CTNNA3: variants seen among roughly 807,000 people sequenced by gnomAD.
CTNNA3 encodes the protein catenin alpha 3.
In CTNNA3, 76 loss-of-function variants were observed where a neutral mutation model predicts 95.7. The observed-to-expected ratio is 0.79, with a 90% CI of 0.66 to 0.96. CTNNA3 has a LOEUF of 0.96. CTNNA3 is among the 40% of genes least tolerant of loss of function. The pLI is 0.00. For synonymous variants in CTNNA3, 431 were observed against 374.4 expected (o/e 1.15, Z -1.74); for missense variants, 1,191 against 1,089.8 (o/e 1.09, Z -1.31).
rs187859053 is a variant in CTNNA3 at position 67,129,939 on chromosome 10, A to G, written c.1047+50378T>C. ...CACTTATTCTGAAAAATAAATCTTGACTAGAAGAGAGTTATCTAGGATCCA... is the reference window on the plus strand; with the variant it reads ...CACTTATTCTGAAAAATAAATCTTGGCTAGAAGAGAGTTATCTAGGATCCA... On this transcript the variant is annotated intron_variant, in intron 7 of 17. Transcript: ENST00000433211. 6.3e-3 allele frequency among the ~76,000 whole-genome samples: 966 copies of G among 152,150 alleles called. 10 individuals are homozygous for G. The highest frequency in any genetic ancestry group is 0.022 in the African/African-American group (907 of 41,488).
intron 5 of CTNNA3, among the ~76,000 whole-genome samples, chr10:67,485,764 T>C (rs867874619): frequency 4.6e-5 from 7 of 152,302 alleles, no homozygotes; most frequent in Middle Eastern, 3.4e-3. Context: ...GCTAACGGCA[T>C]ACCTAGCCAA....
At chr10:66,350,644 G>T (rs2092560066) in intron 12 of CTNNA3, among the ~76,000 whole-genome samples, 2 of 151,686 alleles carry the variant, frequency 1.3e-5, no homozygotes, top group African/African-American at 2.4e-5. Flanking sequence ...TTGCTGAAGG[G>T]TCAATTGGGA....
At chr10:65,934,326 T>G (rs1007594086) in intron 17 of CTNNA3, among the ~76,000 whole-genome samples, 2 of 152,144 alleles carry the variant, frequency 1.3e-5, no homozygotes, top group Non-Finnish European at 2.9e-5. Context: ...GCTGTTTCTC[T>G]CCAGCACTAG....
At chr10:66,136,712 G>GAGTAACGCAACAC (rs71299295) in intron 13 of CTNNA3, among the ~76,000 whole-genome samples, 6 of 151,910 alleles carry the variant, frequency 3.9e-5, no homozygotes, top group Admixed American at 3.9e-4. Context: ...GTTTAGAAGA[G>GAGTAACGCAACAC]AGCATTGTGT....
At chr10:67,406,322 C>T (rs866272750) in intron 5 of CTNNA3, among the ~76,000 whole-genome samples, 3 of 152,190 alleles carry the variant, frequency 2.0e-5, no homozygotes, top group African/African-American at 7.2e-5. Context: ...TAACCTGTTC[C>T]TGAACAACTG....
intron 9 of CTNNA3, among the ~76,000 whole-genome samples, chr10:66,660,011 A>G (rs1846207228): frequency 6.6e-6 from 1 of 152,076 alleles, no homozygotes; most frequent in African/African-American, 2.4e-5. Context: ...TCATAGTGAC[A>G]GGGTCTCACT....
intron 5 of CTNNA3, among the ~76,000 whole-genome samples, chr10:67,425,018 A>G (rs1369755981): frequency 6.6e-6 from 1 of 152,150 alleles, no homozygotes; most frequent in African/African-American, 2.4e-5. Flanking sequence ...CTTAGACATC[A>G]GTGTGTCACT....
At chr10:66,014,382 T>C (rs2079056719) in intron 15 of CTNNA3, among the ~76,000 whole-genome samples, 1 of 152,196 alleles carries the variant, frequency 6.6e-6, no homozygotes, top group Non-Finnish European at 1.5e-5. Context: ...AATTTCCTTT[T>C]GAATGTACAA....
At position 65,917,105 on chromosome 10, in the gene CTNNA3, A is replaced by G. The variant is rs1170482848; in HGVS notation, c.*3225T>C. On this transcript the variant is annotated 3_prime_UTR_variant, in exon 18 of 18. Coordinates refer to ENST00000433211, the MANE Select transcript of CTNNA3 (RefSeq NM_013266.4). ...GGACCTTATTCCCTGTACATAAGAG[A>G]TTTTTATGGGGAACAAATATGTTAT... The G allele has an allele frequency of 6.6e-6, 1 of 152,164 alleles. No individual in the cohort carries two copies. Among genetic ancestry groups the G allele is most frequent in the Non-Finnish European group, 1.5e-5 (1 of 68,028 alleles). 9.4% of individuals were successfully genotyped at this position (152,164 alleles called of 1,614,324 possible).
intron 13 of CTNNA3, among the ~76,000 whole-genome samples, chr10:66,252,946 C>A (rs2090617535): frequency 6.6e-6 from 1 of 152,138 alleles, no homozygotes; most frequent in African/African-American, 2.4e-5. Context: ...GCTGAAAATA[C>A]AAACTGTTTA....
At chr10:67,262,041 A>G (rs1310605505) in intron 5 of CTNNA3, among the ~76,000 whole-genome samples, 1 of 152,110 alleles carries the variant, frequency 6.6e-6, no homozygotes, top group Non-Finnish European at 1.5e-5. Flanking sequence ...GATGCATGGT[A>G]TAATATTGTA....
At chr10:67,051,079 A>T (rs1855060237) in intron 7 of CTNNA3, among the ~76,000 whole-genome samples, 1 of 152,224 alleles carries the variant, frequency 6.6e-6, no homozygotes, top group Admixed American at 6.5e-5. Context: ...ATATTTACAG[A>T]TACAAATTAA....
intron 9 of CTNNA3, among the ~76,000 whole-genome samples, chr10:66,659,465 G>T (rs1016367039): frequency 2.6e-5 from 4 of 152,140 alleles, no homozygotes; most frequent in Non-Finnish European, 5.9e-5. Flanking sequence ...TTTTCTAACA[G>T]GTTGTTGTGA....
At chr10:67,329,744 G>A (rs1223892633) in intron 5 of CTNNA3, among the ~76,000 whole-genome samples, 3 of 152,166 alleles carry the variant, frequency 2.0e-5, no homozygotes. Context: ...TTGTTAAGTA[G>A]GTATGAAATG....
intron 7 of CTNNA3, among the ~76,000 whole-genome samples, chr10:67,020,308 C>T (rs1332849362): frequency 6.6e-6 from 1 of 152,148 alleles, no homozygotes; most frequent in African/African-American, 2.4e-5. Context: ...TATACAGCCT[C>T]ATGTTAAATT....
At chr10:66,257,964 G>C (rs2090854775) in intron 13 of CTNNA3, among the ~76,000 whole-genome samples, 1 of 152,116 alleles carries the variant, frequency 6.6e-6, no homozygotes, top group Non-Finnish European at 1.5e-5. Context: ...CAATCAGATA[G>C]CCAATTTTTG....
intron 12 of CTNNA3, among the ~76,000 whole-genome samples, chr10:66,287,337 A>G (rs983108478): frequency 3.3e-5 from 5 of 152,054 alleles, no homozygotes; most frequent in Non-Finnish European, 7.4e-5. Context: ...CTCTTACTTT[A>G]CTGTATGTGT....
At chr10:66,860,353 G>A (rs1372744457) in intron 7 of CTNNA3, among the ~76,000 whole-genome samples, 2 of 151,922 alleles carry the variant, frequency 1.3e-5, no homozygotes, top group African/African-American at 2.4e-5. Context: ...TAAAAACATC[G>A]AAAAACCTAC....
At chr10:66,144,146 CA>C (rs1326163688) in intron 13 of CTNNA3, among the ~76,000 whole-genome samples, 1 of 152,146 alleles carries the variant, frequency 6.6e-6, no homozygotes, top group Non-Finnish European at 1.5e-5. Context: ...TTTACTGCAG[CA>C]TCTCTAAAAT....
Sources: gnomAD v4.1 joint callset for allele counts (sites outside exome capture counted in the v4.1 genomes callset) on GRCh38, gnomAD v4.1.1 for gene constraint, MANE v1.5 for transcripts, NCBI Gene and HGNC (gene_info 2026-07-23, HGNC 2026-07-21) for gene names.